CACNA2D1: variants seen among roughly 807,000 people sequenced by gnomAD.
CACNA2D1 encodes the protein calcium voltage-gated channel auxiliary subunit alpha2delta 1, also known as voltage-dependent calcium channel subunit alpha-2/delta-1.
In CACNA2D1, 53 loss-of-function variants were observed where a neutral mutation model predicts 171.5. That is an observed-to-expected ratio of 0.31 (90% CI 0.25 to 0.39). CACNA2D1 has a LOEUF of 0.39. Ranked by LOEUF, CACNA2D1 falls within the 10% of genes least tolerant of loss-of-function variation. The pLI, the probability that CACNA2D1 is intolerant of heterozygous loss-of-function variation, is 1.00. For missense variants in CACNA2D1, 903 were observed against 1,299.8 expected, an observed-to-expected ratio of 0.69 and a Z score of 4.69; for synonymous variants, 442 against 443.1, an observed-to-expected ratio of 1.00 and a Z score of 0.03.
intron 12 of CACNA2D1, among the ~76,000 whole-genome samples, chr7:82,022,754 A>C (rs1280151337): frequency 6.6e-6 from 1 of 151,918 alleles, no homozygotes; most frequent in Non-Finnish European, 1.5e-5. Context: ...TTTCTCAATC[A>C]TTTTTTAAAG....
chr7:82,176,987 A>G (rs1036442934), intron 3 of CACNA2D1, among the ~76,000 whole-genome samples: 2 of 149,918 alleles, frequency 1.3e-5, no homozygotes. Flanking sequence ...TGCTTCTATC[A>G]TGATGCAAAT....
At chr7:82,318,543 C>T (rs753964588) in intron 3 of CACNA2D1, among the ~76,000 whole-genome samples, 1 of 152,140 alleles carries the variant, frequency 6.6e-6, no homozygotes, top group Non-Finnish European at 1.5e-5. Flanking sequence ...ATACTTAATG[C>T]AAGTAAGTCT....
chr7:82,113,422 G>T (rs541594782), intron 6 of CACNA2D1, among the ~76,000 whole-genome samples: 7 of 152,012 alleles, frequency 4.6e-5, no homozygotes, highest in Non-Finnish European at 1.0e-4. Context: ...TATGGTTTGG[G>T]TGTCCTCTAA....
chr7:82,135,934 G>T (rs1318078212), intron 5 of CACNA2D1, among the ~76,000 whole-genome samples: 1 of 151,814 alleles, frequency 6.6e-6, no homozygotes, highest in African/African-American at 2.4e-5. Context: ...GCATTTTTTT[G>T]ATCTAAGAGT....
intron 4 of CACNA2D1, among the ~76,000 whole-genome samples, chr7:82,166,877 G>A (rs1396970184): frequency 6.6e-6 from 1 of 152,064 alleles, no homozygotes; most frequent in East Asian, 1.9e-4. Flanking sequence ...AGCTGAGAGA[G>A]AGTGTGAATT....
chr7:82,189,081 T>C (rs1798046960), intron 3 of CACNA2D1, among the ~76,000 whole-genome samples: 1 of 151,964 alleles, frequency 6.6e-6, no homozygotes, highest in African/African-American at 2.4e-5. Context: ...TGCTTATTAC[T>C]TGGGTGGCAA....
intron 3 of CACNA2D1, among the ~76,000 whole-genome samples, chr7:82,281,641 TA>T (rs1471262607): frequency 6.6e-6 from 1 of 152,158 alleles, no homozygotes; most frequent in South Asian, 2.1e-4. Flanking sequence ...ATATTTCTAT[TA>T]AAAAATAGTT....
At chr7:82,051,713 C>A (rs1415160793) in intron 10 of CACNA2D1, among the ~76,000 whole-genome samples, 3 of 152,186 alleles carry the variant, frequency 2.0e-5, no homozygotes, top group Non-Finnish European at 1.5e-5. Context: ...CAGTATTTTA[C>A]TCCTAAAATG....
chr7:82,141,516 C>T (rs913546994), intron 4 of CACNA2D1, among the ~76,000 whole-genome samples: 12 of 152,106 alleles, frequency 7.9e-5, no homozygotes, highest in Admixed American at 5.9e-4. Context: ...TTTGGGGTTT[C>T]AACAACAATC....
intron 1 of CACNA2D1, among the ~76,000 whole-genome samples, chr7:82,405,549 G>A (rs1826936374): frequency 6.6e-6 from 1 of 152,158 alleles, no homozygotes; most frequent in Admixed American, 6.5e-5. Context: ...AAATCATACT[G>A]TGGCTGAATG....
At chr7:82,315,154 A>G (rs1223027629) in intron 3 of CACNA2D1, among the ~76,000 whole-genome samples, 1 of 152,024 alleles carries the variant, frequency 6.6e-6, no homozygotes, top group Non-Finnish European at 1.5e-5. Context: ...CAACAAAAAA[A>G]AGGAAATAAC....
At position 82,349,569 on chromosome 7, in the gene CACNA2D1, TCAA is replaced by T; in HGVS notation, c.173_175del (p.Val58del). 1 of 1,612,164 alleles carries T rather than the reference TCAA, an allele frequency of 6.2e-7. No homozygotes were observed. ...ATCTCTTTGGTGGATTTTACTCACA[TCAA>T]CAAGCTGATTGACTCCACTTGCTGT... is the stretch of plus-strand genomic sequence containing the variant. On this transcript the variant is annotated inframe_deletion and splice_region_variant, in exon 2 of 39. Coordinates refer to ENST00000356860, the MANE Select transcript of CACNA2D1 (RefSeq NM_000722.4).
At chr7:82,342,422 C>T (rs1818786352) in intron 2 of CACNA2D1, among the ~76,000 whole-genome samples, 1 of 152,146 alleles carries the variant, frequency 6.6e-6, no homozygotes, top group African/African-American at 2.4e-5. Context: ...GATTCTCTGT[C>T]AGGCTTTGCT....
intron 1 of CACNA2D1, among the ~76,000 whole-genome samples, chr7:82,380,404 A>C (rs4732449): frequency 0.73 from 110,730 of 151,874 alleles, 40,774 homozygotes; most frequent in African/African-American, 0.84. Context: ...CCTATGATTA[A>C]GTTTTATATG....
chr7:82,250,383 T>TA (rs758061636), intron 3 of CACNA2D1, among the ~76,000 whole-genome samples: 5 of 152,226 alleles, frequency 3.3e-5, no homozygotes, highest in Non-Finnish European at 5.9e-5. Flanking sequence ...CCTATAAAAA[T>TA]AAATTCTCAT....
chr7:82,194,603 C>G (rs367888347), intron 3 of CACNA2D1, among the ~76,000 whole-genome samples: 1 of 151,632 alleles, frequency 6.6e-6, no homozygotes, highest in African/African-American at 2.4e-5. Flanking sequence ...AGAGGGCAAA[C>G]AATACTCTAT....
intron 2 of CACNA2D1, among the ~76,000 whole-genome samples, chr7:82,345,727 T>G (rs1288395722): frequency 6.6e-6 from 1 of 150,614 alleles, no homozygotes; most frequent in East Asian, 2.0e-4. Flanking sequence ...TTTAGAAATA[T>G]ATTTCAAAAT....
intron 7 of CACNA2D1, among the ~76,000 whole-genome samples, chr7:82,071,416 G>A (rs144440094): frequency 2.0e-5 from 3 of 152,220 alleles, no homozygotes; most frequent in Admixed American, 6.5e-5. Flanking sequence ...AGTTTTTATC[G>A]TAGTTACCCA....
At chr7:82,269,038 C>T (rs1197127831) in intron 3 of CACNA2D1, among the ~76,000 whole-genome samples, 1 of 152,138 alleles carries the variant, frequency 6.6e-6, no homozygotes, top group East Asian at 1.9e-4. Context: ...CTTGGTTATG[C>T]AAACCTGAAA....
Sources: gnomAD v4.1 joint callset for allele counts (sites outside exome capture counted in the v4.1 genomes callset) on GRCh38, gnomAD v4.1.1 for gene constraint, MANE v1.5 for transcripts, NCBI Gene and HGNC (gene_info 2026-07-23, HGNC 2026-07-21) for gene names.